The following CPPED1 variants were observed in gnomAD, a reference collection of about 807,000 sequenced individuals.
The protein encoded by CPPED1 is calcineurin like phosphoesterase domain containing 1, also known as serine/threonine-protein phosphatase CPPED1.
A neutral mutation model predicts 28.0 loss-of-function variants in CPPED1; 28 were observed. The observed-to-expected ratio is 1.00, with a 90% CI of 0.74 to 1.37. The LOEUF (loss-of-function observed/expected upper bound fraction) is 1.37, where lower values mean the gene tolerates loss of function less well. Among genes scored for constraint, CPPED1 ranks in the 40% most tolerant of loss-of-function variants. The pLI, the probability that CPPED1 is intolerant of heterozygous loss-of-function variation, is 0.00. For synonymous variants in CPPED1, 198 were observed against 180.2 expected (o/e 1.10, Z -0.79); for missense variants, 504 against 416.5 (o/e 1.21, Z -1.83).
chr16:12,780,476 A>G (rs2080523527), intron 2 of CPPED1, among the ~76,000 whole-genome samples: 1 of 152,188 alleles, frequency 6.6e-6, no homozygotes, highest in South Asian at 2.1e-4. Context: ...GCACCCGGCC[A>G]GCCTGGGACT....
chr16:12,797,174 C>T (rs1030684766), intron 1 of CPPED1, among the ~76,000 whole-genome samples: 2 of 152,104 alleles, frequency 1.3e-5, no homozygotes, highest in Non-Finnish European at 2.9e-5. Context: ...TGTGACTACA[C>T]CACTCTAAAG....
chr16:12,797,308 T>C (rs911704603), intron 1 of CPPED1, among the ~76,000 whole-genome samples: 2 of 152,166 alleles, frequency 1.3e-5, no homozygotes, highest in African/African-American at 2.4e-5. Flanking sequence ...CCCAGCACTT[T>C]TGGAGGCTAA....
intron 2 of CPPED1, among the ~76,000 whole-genome samples, chr16:12,713,865 A>G (rs2080092860): frequency 6.6e-6 from 1 of 152,112 alleles, no homozygotes; most frequent in African/African-American, 2.4e-5. Flanking sequence ...GTGGACTGTC[A>G]TGAAAATCAA....
chr16:12,674,656 C>T (rs919184267), intron 3 of CPPED1, among the ~76,000 whole-genome samples: 6 of 152,082 alleles, frequency 3.9e-5, no homozygotes, highest in East Asian at 3.9e-4. Context: ...GGACTCACAT[C>T]GTCTCCATTT....
chr16:12,734,061 T>A (rs2080213659), intron 2 of CPPED1, among the ~76,000 whole-genome samples: 2 of 32,904 alleles, frequency 6.1e-5, no homozygotes, highest in Admixed American at 8.6e-4. Flanking sequence ...ATTACACGTT[T>A]TTTTTTTTTT....
chr16:12,770,462 G>A (rs1342611103), intron 2 of CPPED1, among the ~76,000 whole-genome samples: 1 of 152,170 alleles, frequency 6.6e-6, no homozygotes, highest in Non-Finnish European at 1.5e-5. Context: ...AGGTTTTCTA[G>A]ACAGATGGAA....
chr16:12,780,642 C>T lies in CPPED1; in HGVS notation c.289+543G>A, dbSNP rs115826989. 5.2e-3 allele frequency among the ~76,000 whole-genome samples: 784 copies of T among 151,802 alleles called. 10 individuals carry two copies. Among genetic ancestry groups the T allele is most frequent in the African/African-American group, 0.018 (731 of 41,384 alleles). On this transcript the variant is annotated intron_variant, in intron 2 of 3. Coordinates refer to ENST00000381774, the MANE Select transcript of CPPED1 (RefSeq NM_018340.3). ...ATCAGAGTGATGGAGAGACCAAGTC[C>T]TTATAACCAAGCTGACCCCCTAGAT...
chr16:12,791,746 G>C (rs1201661525), intron 1 of CPPED1, among the ~76,000 whole-genome samples: 1 of 152,114 alleles, frequency 6.6e-6, no homozygotes, highest in Non-Finnish European at 1.5e-5. Context: ...CAAATTCCTG[G>C]CTACAGAGCC....
intron 1 of CPPED1, among the ~76,000 whole-genome samples, chr16:12,795,258 G>A (rs917570141): frequency 3.9e-5 from 6 of 152,210 alleles, no homozygotes; most frequent in African/African-American, 1.2e-4. Context: ...TGTGCTCCAT[G>A]TGAGGGCACC....
At chr16:12,726,568 C>T (rs1042251323) in intron 2 of CPPED1, among the ~76,000 whole-genome samples, 2 of 152,058 alleles carry the variant, frequency 1.3e-5, no homozygotes, top group African/African-American at 4.8e-5. Context: ...GTCTTGAACT[C>T]CTGACCTCAA....
intron 2 of CPPED1, among the ~76,000 whole-genome samples, chr16:12,710,828 CA>C (rs747592216): frequency 6.6e-6 from 1 of 152,244 alleles, no homozygotes; most frequent in Non-Finnish European, 1.5e-5. Flanking sequence ...ATCAAAGAGA[CA>C]GAAAATAACA....
intron 3 of CPPED1, among the ~76,000 whole-genome samples, chr16:12,673,142 A>T (rs1447574480): frequency 1.3e-5 from 2 of 152,218 alleles, no homozygotes; most frequent in East Asian, 3.9e-4. Context: ...CTCAGGTTGC[A>T]GCTGGGACTG....
chr16:12,718,594 G>A (rs183064802), intron 2 of CPPED1, among the ~76,000 whole-genome samples: 1 of 151,874 alleles, frequency 6.6e-6, no homozygotes, highest in East Asian at 1.9e-4. Context: ...CGATTTGTTG[G>A]TGAGAGCATG....
intron 2 of CPPED1, among the ~76,000 whole-genome samples, chr16:12,767,369 T>G (rs962724620): frequency 6.6e-6 from 1 of 152,136 alleles, no homozygotes; most frequent in East Asian, 1.9e-4. Flanking sequence ...CTGCCCAAAA[T>G]AGTGAAGGCA....
intron 3 of CPPED1, among the ~76,000 whole-genome samples, chr16:12,684,572 T>C (rs983494004): frequency 5.3e-5 from 8 of 152,196 alleles, no homozygotes; most frequent in Admixed American, 2.0e-4. Context: ...TGTGCACTTA[T>C]TCATCCTTCA....
At chr16:12,687,991 A>G (rs1316918663) in intron 3 of CPPED1, among the ~76,000 whole-genome samples, 1 of 152,028 alleles carries the variant, frequency 6.6e-6, no homozygotes, top group Admixed American at 6.6e-5. Context: ...TGTCACTAAC[A>G]TGAAAGTCAC....
intron 2 of CPPED1, among the ~76,000 whole-genome samples, chr16:12,778,399 C>G (rs145535937): frequency 6.6e-6 from 1 of 151,806 alleles, no homozygotes; most frequent in Non-Finnish European, 1.5e-5. Context: ...CCTCAGCCCC[C>G]CAGAGTAGCT....
At chr16:12,777,903 C>CTTTTTTTTTTTTTT (rs67527035) in intron 2 of CPPED1, among the ~76,000 whole-genome samples, 33 of 126,592 alleles carry the variant, frequency 2.6e-4, no homozygotes, top group South Asian at 7.4e-4. Flanking sequence ...TTTCTATTTT[C>CTTTTTTTTTTTTTT]TTTTTTTTTT....
At chr16:12,667,677 C>G (rs1049450519) in intron 3 of CPPED1, among the ~76,000 whole-genome samples, 3 of 152,032 alleles carry the variant, frequency 2.0e-5, no homozygotes, top group African/African-American at 7.2e-5. Flanking sequence ...AGGAAATGAT[C>G]CAGAAGACAA....
Sources: gnomAD v4.1 joint callset for allele counts (sites outside exome capture counted in the v4.1 genomes callset) on GRCh38, gnomAD v4.1.1 for gene constraint, MANE v1.5 for transcripts, NCBI Gene and HGNC (gene_info 2026-07-23, HGNC 2026-07-21) for gene names.